Variants in UFL1 observed in about 807,000 individuals in gnomAD.
UFL1 encodes E3 UFM1-protein ligase 1.
A neutral mutation model predicts 99.3 loss-of-function variants in UFL1; 78 were observed. The observed-to-expected ratio is 0.79, with a 90% CI of 0.65 to 0.95. UFL1 has a LOEUF of 0.95. Ranked by LOEUF, UFL1 falls within the 40% of genes least tolerant of loss-of-function variation. The pLI is 0.00. For synonymous variants in UFL1, 335 were observed against 322.2 expected, an observed-to-expected ratio of 1.04 and a Z score of -0.42; for missense variants, 936 against 937.0, an observed-to-expected ratio of 1.00 and a Z score of 0.01.
At chr6:96,547,634 A>G (rs1770018702) in intron 12 of UFL1, among the ~76,000 whole-genome samples, 1 of 151,696 alleles carries the variant, frequency 6.6e-6, no homozygotes. Flanking sequence ...CAATGTAGCC[A>G]TTAAAAACAA....
intron 7 of UFL1, 29 bp from the exon 8 acceptor site, chr6:96,536,215 T>G (rs1769850264): frequency 6.3e-7 from 1 of 1,595,826 alleles, no homozygotes; most frequent in African/African-American, 1.3e-5. Context: ...TGGTCTGATT[T>G]ATTTGTATTC....
At chr6:96,543,140 A>G in intron 12 of UFL1, 124 bp downstream of exon 12, 2 of 1,189,882 alleles carry the variant, frequency 1.7e-6, no homozygotes, top group Non-Finnish European at 2.3e-6. Flanking sequence ...TGTTTCAGTG[A>G]CACAAATTTC....
chr6:96,553,268 T>A lies in UFL1; in HGVS notation c.2167-17T>A, dbSNP rs1183441724. ...AAGATAAATTGTGTTGATTAACTTTTCTTTCCCTTTTCACAGGATCAGCAT... is the reference window on the plus strand; with the variant it reads ...AAGATAAATTGTGTTGATTAACTTTACTTTCCCTTTTCACAGGATCAGCAT... On this transcript the variant is annotated splice_polypyrimidine_tract_variant and intron_variant, in intron 18 of 18. Coordinates refer to ENST00000369278, the MANE Select transcript of UFL1 (RefSeq NM_015323.5). 6.2e-7 allele frequency: 1 copy of A among 1,605,496 alleles called. No homozygotes were observed. Among genetic ancestry groups the A allele is most frequent in the African/African-American group, 1.3e-5 (1 of 74,352 alleles).
At chr6:96,541,198 G>C (rs1442629018) in intron 11 of UFL1, among the ~76,000 whole-genome samples, 5 of 151,334 alleles carry the variant, frequency 3.3e-5, no homozygotes, top group Non-Finnish European at 7.4e-5. Context: ...ACCATGATGT[G>C]TTTTATTGTT....
chr6:96,543,130 T>A, intron 12 of UFL1, 114 bp downstream of exon 12: 1 of 1,285,278 alleles, frequency 7.8e-7, no homozygotes, highest in East Asian at 2.9e-5. Context: ...TATTTTGCAG[T>A]GTTTCAGTGA....
chr6:96,540,598 GA>G lies in UFL1; in HGVS notation c.1225del (p.Ser409AlafsTer24), dbSNP rs1769917610. ...EEDLKQISTL[E>X]SVSTSKKDKK... is the part of the protein sequence containing the mutation. Reference sequence around the variant, plus strand: ...AGATCTGAAACAAATCTCCACTTTAGAAAGCGTTAGTACAAGTAAAAAGGAT... The same window carrying G: ...AGATCTGAAACAAATCTCCACTTTAGAAGCGTTAGTACAAGTAAAAAGGAT... On this transcript the variant is annotated frameshift_variant, in exon 11 of 19. Transcript: ENST00000369278. LOFTEE classifies it high-confidence loss of function. 1 of 1,607,326 alleles carries G rather than the reference GA, an allele frequency of 6.2e-7. No individual in the cohort carries two copies. Among genetic ancestry groups the G allele is most frequent in the Non-Finnish European group, 8.5e-7 (1 of 1,176,600 alleles).
rs200861436 is a variant in UFL1, at chr6:96,536,236, G to T, written c.656-8G>T. 6.2e-7 allele frequency: 1 copy of T among 1,606,620 alleles called. No individual in the cohort carries two copies. The highest frequency in any genetic ancestry group is 8.5e-7 in the Non-Finnish European group (1 of 1,174,946). On this transcript the variant is annotated splice_polypyrimidine_tract_variant and splice_region_variant and intron_variant, in intron 7 of 18. Coordinates refer to ENST00000369278, the MANE Select transcript of UFL1 (RefSeq NM_015323.5). ...GATTTATTTGTATTCATGTGGGTTTGTTTTAAGCTGTGCTTGAGGAACTTG... is the reference window on the plus strand; with the variant it reads ...GATTTATTTGTATTCATGTGGGTTTTTTTTAAGCTGTGCTTGAGGAACTTG...
At chr6:96,528,025 A>C (rs1367948943) in intron 5 of UFL1, among the ~76,000 whole-genome samples, 1 of 152,150 alleles carries the variant, frequency 6.6e-6, no homozygotes, top group Admixed American at 6.5e-5. Flanking sequence ...TTTGCATTAG[A>C]GAGGAAAGCT....
intron 2 of UFL1, 98 bp from the exon 3 acceptor site, chr6:96,524,284 G>A (rs1769668897): frequency 5.6e-6 from 6 of 1,080,132 alleles, no homozygotes; most frequent in Non-Finnish European, 8.1e-6. Context: ...TCTGTTCTAT[G>A]CAGGACTTTG....
Position 96,538,740 on chromosome 6 carries a change from T to C in UFL1, c.1088T>C (p.Val363Ala). 6.2e-7 allele frequency: 1 copy of C among 1,611,398 alleles called. No homozygotes were observed. Among genetic ancestry groups the C allele is most frequent in the South Asian group, 1.1e-5 (1 of 90,980 alleles). Residue 363 changes from valine (V) to alanine (A), a missense_variant, in exon 10 of 19, where the codon GTA becomes GCA. Physicochemically the swap from Val to Ala is moderately conservative, Grantham distance 64. Transcript: ENST00000369278. ...ASTVVFSDTV[V>A]VSEKFINDCT... ...ACTGTAGTCTTTAGCGACACTGTTGTAGTCAGTGAAAAATTTATAAATGAC... is the reference window on the plus strand; with the variant it reads ...ACTGTAGTCTTTAGCGACACTGTTGCAGTCAGTGAAAAATTTATAAATGAC...
At chr6:96,542,836 A>AT in intron 11 of UFL1, 58 bp from the exon 12 acceptor site, 1 of 1,451,444 alleles carries the variant, frequency 6.9e-7, no homozygotes. Context: ...TAGTGTCATT[A>AT]TTTTATAAAA....
chr6:96,531,261 C>T (rs1769779675), intron 6 of UFL1, among the ~76,000 whole-genome samples: 1 of 152,092 alleles, frequency 6.6e-6, no homozygotes, highest in Non-Finnish European at 1.5e-5. Flanking sequence ...GTACATACAC[C>T]CCTCTATACA....
chr6:96,542,336 G>T (rs1374706558), intron 11 of UFL1, among the ~76,000 whole-genome samples: 2 of 151,268 alleles, frequency 1.3e-5, no homozygotes, highest in Non-Finnish European at 3.0e-5. Flanking sequence ...TTTCTGTAAA[G>T]AATATATACA....
chr6:96,531,946 C>G (rs375799743), intron 6 of UFL1, among the ~76,000 whole-genome samples: 2 of 152,136 alleles, frequency 1.3e-5, no homozygotes, highest in Admixed American at 6.5e-5. Flanking sequence ...TTAAAAATAA[C>G]GAACCATCCC....
chr6:96,521,830 G>C lies in UFL1; in HGVS notation c.-44G>C, dbSNP rs1368783334. ...TCTCTTCTCCCACCGCCTGTCGGCTGACGTGTCTGCAGTTCCTCCGCGTCT... is the reference window on the plus strand; with the variant it reads ...TCTCTTCTCCCACCGCCTGTCGGCTCACGTGTCTGCAGTTCCTCCGCGTCT... On this transcript the variant is annotated 5_prime_UTR_variant, in exon 1 of 19. Transcript: ENST00000369278. The C allele has an allele frequency of 6.3e-7, 1 of 1,587,718 alleles. No homozygotes were observed. Among genetic ancestry groups the C allele is most frequent in the Non-Finnish European group, 8.6e-7 (1 of 1,167,536 alleles).
intron 2 of UFL1, among the ~76,000 whole-genome samples, chr6:96,523,520 G>C (rs1769656365): frequency 6.6e-6 from 1 of 152,074 alleles, no homozygotes; most frequent in Admixed American, 6.5e-5. Context: ...ATCATTTTGA[G>C]TTATGTGTAC....
In UFL1 at chr6:96,552,504, C is replaced by A; in HGVS notation, c.2008C>A (p.Gln670Lys). ...RERQILFQHR[Q>K]ALAEQLKVTE... is the part of the protein sequence containing the mutation. ...TAGACAGATACTGTTCCAACATCGA[C>A]AAGCACTGGCTGAACAGCTAAAGGT... The change falls in exon 18 of 19, where the codon CAA becomes AAA. Residue 670 changes from glutamine to lysine, a missense_variant. Transcript: ENST00000369278. The A allele has an allele frequency of 6.3e-7, 1 of 1,586,630 alleles. No individual in the cohort carries two copies. The highest frequency in any genetic ancestry group is 8.5e-7 in the Non-Finnish European group (1 of 1,171,864).
At chr6:96,551,784 C>A in intron 16 of UFL1, 54 bp from the exon 17 acceptor site, 1 of 1,171,532 alleles carries the variant, frequency 8.5e-7, no homozygotes, top group Non-Finnish European at 1.2e-6. Context: ...AATGGCTATA[C>A]TTCCTTATGC....
At chr6:96,538,514 T>C (rs1769886011) in intron 9 of UFL1, 117 bp from the exon 10 acceptor site, 1 of 917,980 alleles carries the variant, frequency 1.1e-6, no homozygotes, top group South Asian at 2.2e-5. Flanking sequence ...TAAATATGGT[T>C]CCAAAAGCCA....
Sources: allele counts gnomAD v4.1 joint callset (sites outside exome capture counted in the v4.1 genomes callset), GRCh38; gene constraint gnomAD v4.1.1; transcripts MANE v1.5; gene names NCBI Gene and HGNC (gene_info 2026-07-23, HGNC 2026-07-21).